TRIM21: variants seen among roughly 807,000 people sequenced by gnomAD.
TRIM21 encodes the protein E3 ubiquitin-protein ligase TRIM21.
TRIM21 carries 35 observed loss-of-function variants against 36.1 expected under a neutral mutation model. The observed-to-expected ratio is 0.97, with a 90% CI of 0.74 to 1.28. TRIM21 has a LOEUF of 1.28. Among genes scored for constraint, TRIM21 ranks in the 50% most tolerant of loss-of-function variants. The probability of loss-of-function intolerance (pLI) is 0.00; values close to 1 mark genes in which losing one functional copy is unlikely to be tolerated. For missense variants in TRIM21, 635 were observed against 570.7 expected, an observed-to-expected ratio of 1.11 and a Z score of -1.15; for synonymous variants, 256 against 211.5, an observed-to-expected ratio of 1.21 and a Z score of -1.83.
chr11:4,389,657 C>G lies in TRIM21; in HGVS notation c.501G>C (p.Trp167Cys). The G allele has an allele frequency of 6.2e-7, 1 of 1,613,722 alleles. No homozygotes were observed. Residue 167 changes from tryptophan to cysteine, a missense_variant, in exon 3 of 7, where the codon TGG becomes TGC. Trp to Cys is a radical substitution (Grantham distance 215, BLOSUM62 -2). Transcript: ENST00000254436. The part of the protein sequence containing the change: ...EVEIAIKRAD[W>C]KKTVETQKSR... ...TCCTTCAGGATGTCATTCTTACCTT[C>G]CAGTCTGCTCTCTTTATTGCAATTT...
chr11:4,388,611 CT>C, intron 3 of TRIM21, 81 bp from the exon 4 acceptor site: 1 of 1,393,796 alleles, frequency 7.2e-7, no homozygotes, highest in East Asian at 2.3e-5. Context: ...GTACCTATTC[CT>C]ATCCCCAAGA....
intron 2 of TRIM21, 23 bp from the exon 3 acceptor site, chr11:4,389,772 C>A (rs926100): frequency 0.17 from 278,870 of 1,608,154 alleles, 25,788 homozygotes; most frequent in African/African-American, 0.21. Context: ...ACAGCTTATT[C>A]GTCCCCCATG....
chr11:4,388,455 G>C lies in TRIM21; in HGVS notation c.580C>G (p.Gln194Glu). 21 of 1,613,648 alleles carry C rather than the reference G, an allele frequency of 1.3e-5. No individual in the cohort carries two copies. Among genetic ancestry groups the C allele is most frequent in the Non-Finnish European group, 1.8e-5 (21 of 1,179,882 alleles). The change falls in exon 4 of 7, where the codon CAG (glutamine) becomes GAG (glutamate). Residue 194 changes from glutamine (Q) to glutamate (E), a missense_variant. Gln to Glu is a conservative substitution (Grantham distance 29). Coordinates refer to ENST00000254436, the MANE Select transcript of TRIM21 (RefSeq NM_003141.4). ...QQKNFLVEEE[Q>E]RQLQELEKDE... ...TTCTCCAGCTCCTGCAGCTGCCTCT[G>C]TTCTTCTTCAACCAGGAAGTTTTTT...
chr11:4,390,524 A>G (rs2094961866), intron 1 of TRIM21, 66 bp from the exon 2 acceptor site: 2 of 1,008,364 alleles, frequency 2.0e-6, no homozygotes, highest in East Asian at 2.5e-5. Context: ...CAAAAAGTCA[A>G]CATAATCCCT....
At chr11:4,387,698 A>T (rs909202432) in intron 4 of TRIM21, among the ~76,000 whole-genome samples, 2 of 152,064 alleles carry the variant, frequency 1.3e-5, no homozygotes, top group Admixed American at 6.6e-5. Context: ...TCTACTAGGG[A>T]TGCAAAATTA....
At chr11:4,388,196 A>G in intron 4 of TRIM21, 104 bp downstream of exon 4, 2 of 1,005,954 alleles carry the variant, frequency 2.0e-6, no homozygotes, top group Non-Finnish European at 1.4e-6. Context: ...ATTTAAGAAC[A>G]TTCCAGGGAC....
chr11:4,386,111 C>G (rs1319459148), intron 6 of TRIM21, 46 bp downstream of exon 6: 1 of 1,579,866 alleles, frequency 6.3e-7, no homozygotes. Context: ...ACCCTGGGAT[C>G]TACTCTGCAC....
In TRIM21 at chr11:4,385,039, C is replaced by G. The variant is rs757501671; in HGVS notation, c.*246G>C. On this transcript the variant is annotated 3_prime_UTR_variant, in exon 7 of 7. Coordinates refer to ENST00000254436, the MANE Select transcript of TRIM21 (RefSeq NM_003141.4). ...TTAAGTCCCATAAAGAAGGCAGAAACATGTTTTTGGTTGATCAAGATGAGT... is the reference window on the plus strand; with the variant it reads ...TTAAGTCCCATAAAGAAGGCAGAAAGATGTTTTTGGTTGATCAAGATGAGT... 2.2e-6 allele frequency: 1 copy of G among 447,508 alleles called. No individual in the cohort carries two copies. The highest frequency in any genetic ancestry group is 3.4e-5 in the East Asian group (1 of 29,100). 27.7% of individuals were successfully genotyped at this position (447,508 alleles called of 1,614,324 possible). A position where few individuals can be genotyped will look rare whatever the true frequency, so the allele number is the denominator to read the frequency against.
In TRIM21 at chr11:4,385,537, G is replaced by A; in HGVS notation, c.1176C>T (p.Thr392=). The change falls in exon 7 of 7, where the codon ACC becomes ACT. Residue 392 remains threonine (T), a synonymous_variant. Transcript: ENST00000254436. ...GAAGGTGGAGGGGAGTCTGGGGGTA[G>A]GTGCCAGCCTCATATTTTTGTTTGT... The part of the protein sequence containing the change: ...LWNKQKYEAG[T]YPQTPLHLQV... The A allele has an allele frequency of 6.2e-7, 1 of 1,611,918 alleles. No homozygotes were observed. The highest frequency in any genetic ancestry group is 8.5e-7 in the Non-Finnish European group (1 of 1,179,018).
At chr11:4,392,137 T>G (rs78450139) in intron 1 of TRIM21, among the ~76,000 whole-genome samples, 1 of 152,158 alleles carries the variant, frequency 6.6e-6, no homozygotes, top group Non-Finnish European at 1.5e-5. Context: ...CTTACCCTGA[T>G]GTGATTATTA....
chr11:4,388,676 C>T lies in TRIM21; in HGVS notation c.505-146G>A, dbSNP rs191510080. The stretch of plus-strand genomic sequence containing the variant: ...ACACACACATGCACACGCACACGCG[C>T]GCACACACACACACACACAATTTTG... On this transcript the variant is annotated intron_variant, in intron 3 of 6. Coordinates refer to ENST00000254436, the MANE Select transcript of TRIM21 (RefSeq NM_003141.4). 9.3e-4 allele frequency: 696 copies of T among 746,136 alleles called. 2 individuals are homozygous for T. The highest frequency in any genetic ancestry group is 8.8e-3 in the African/African-American group (507 of 57,324). The allele number at this position is 746,136 out of a possible 1,614,324, so 46.2% of individuals were successfully genotyped here. A position where few individuals can be genotyped will look rare whatever the true frequency, so the allele number is the denominator to read the frequency against.
intron 4 of TRIM21, among the ~76,000 whole-genome samples, chr11:4,387,265 TCCCCA>T: frequency 6.7e-6 from 1 of 149,816 alleles, no homozygotes; most frequent in Non-Finnish European, 1.5e-5. Context: ...TTTTTTTTTT[TCCCCA>T]GGGGAGAAAG....
chr11:4,386,508 C>G (rs1385709066), intron 5 of TRIM21, among the ~76,000 whole-genome samples: 1 of 152,198 alleles, frequency 6.6e-6, no homozygotes, highest in Non-Finnish European at 1.5e-5. Context: ...CTGAGGTCAC[C>G]TGGCAAATGC....
chr11:4,390,400 C>G lies in TRIM21; in HGVS notation c.10G>C (p.Ala4Pro), dbSNP rs2094961744. MAS[A>P]ARLTMMWEEV... is the part of the protein sequence containing the mutation. ...TCCCACATCATTGTCAAGCGTGCTG[C>G]TGAAGCCATTGTCAAGTGTGCCGTT... The change falls in exon 2 of 7, where the codon GCA (alanine) becomes CCA (proline). Residue 4 changes from alanine (A) to proline (P), a missense_variant. Transcript: ENST00000254436. 4 of 1,604,876 alleles carry G rather than the reference C, an allele frequency of 2.5e-6. No individual in the cohort carries two copies. Among genetic ancestry groups the G allele is most frequent in the Non-Finnish European group, 3.4e-6 (4 of 1,172,762 alleles).
At chr11:4,390,887 A>T (rs12224960) in intron 1 of TRIM21, among the ~76,000 whole-genome samples, 59,938 of 152,034 alleles carry the variant, frequency 0.39, 12,727 homozygotes, top group East Asian at 0.57. Context: ...GAAGAATGAA[A>T]CTACACTCCT....
In TRIM21 at chr11:4,390,029, A is replaced by T. The variant is rs750415858; in HGVS notation, c.381T>A (p.Pro127=). The change falls in exon 2 of 7, where the codon CCT becomes CCA. Residue 127 remains proline (P), a synonymous_variant. Transcript: ENST00000254436. ...GGTACTCCTGTGCAGCCTCCTCAAG[A>T]GGGACCATGGCGTGGTCACGGTGTT... ...SRKHRDHAMV[P]LEEAAQEYQE... 5.6e-6 allele frequency: 9 copies of T among 1,613,772 alleles called. No individual in the cohort carries two copies. The highest frequency in any genetic ancestry group is 7.6e-6 in the Non-Finnish European group (9 of 1,179,880).
At chr11:4,387,364 C>T (rs957961840) in intron 4 of TRIM21, among the ~76,000 whole-genome samples, 7 of 152,108 alleles carry the variant, frequency 4.6e-5, no homozygotes, top group African/African-American at 1.4e-4. Context: ...GTTCAGGTGT[C>T]CAGAAACCAC....
At position 4,388,369 on chromosome 11, in the gene TRIM21, G is replaced by A. The variant is rs5030770; in HGVS notation, c.666C>T (p.Ser222=). 20,744 of 1,613,926 alleles carry A rather than the reference G, an allele frequency of 0.013. 189 individuals are homozygous for A. Among genetic ancestry groups the A allele is most frequent in the Middle Eastern group, 0.023 (141 of 6,062 alleles). ...CTGAGATGAGCTCCTGTAGGGCCTG[G>A]CTCTGCTGGGCCAGCTTGGCCTCTT... ...GEKEAKLAQQ[S]QALQELISEL... The change falls in exon 4 of 7, where the codon AGC becomes AGT. Residue 222 remains serine, a synonymous_variant. Coordinates refer to ENST00000254436, the MANE Select transcript of TRIM21 (RefSeq NM_003141.4).
rs927506625 is a variant in TRIM21, at chr11:4,389,934, C to T, written c.408+68G>A. 17 of 1,575,820 alleles carry T rather than the reference C, an allele frequency of 1.1e-5. No individual in the cohort carries two copies. In the African/African-American group the frequency reaches 2.0e-4, roughly 19 times the overall value. On this transcript the variant is annotated intron_variant, in intron 2 of 6. Coordinates refer to ENST00000254436, the MANE Select transcript of TRIM21 (RefSeq NM_003141.4). ...CCTCCTTTCTCTAACCCCTCCAATC[C>T]AGAGGTGGTCCTCTCCCATTCCCTG...
Sources: allele counts gnomAD v4.1 joint callset (sites outside exome capture counted in the v4.1 genomes callset), GRCh38; gene constraint gnomAD v4.1.1; transcripts MANE v1.5; gene names NCBI Gene and HGNC (gene_info 2026-07-23, HGNC 2026-07-21).